Variants in PALM2AKAP2 observed in about 807,000 individuals in gnomAD.
PALM2AKAP2 encodes PALM2 and AKAP2 fusion.
PALM2AKAP2 carries 37 observed loss-of-function variants against 71.5 expected under a neutral mutation model. The observed-to-expected ratio is 0.52, with a 90% CI of 0.40 to 0.68. PALM2AKAP2 has a LOEUF of 0.68. Among genes scored for constraint, PALM2AKAP2 ranks in the 30% least tolerant of loss-of-function variants. The probability of loss-of-function intolerance (pLI) is 0.00; values close to 1 mark genes in which losing one functional copy is unlikely to be tolerated. For missense variants in PALM2AKAP2, 1,224 were observed against 1,191.8 expected, an observed-to-expected ratio of 1.03 and a Z score of -0.40; for synonymous variants, 468 against 478.8, an observed-to-expected ratio of 0.98 and a Z score of 0.29.
chr9:109,821,914 A>AT (rs1564164386), intron 1 of PALM2AKAP2, among the ~76,000 whole-genome samples: 3 of 152,212 alleles, frequency 2.0e-5, no homozygotes, highest in East Asian at 1.9e-4. Flanking sequence ...GACCAAAGGA[A>AT]TTTTTTGTAA....
intron 2 of PALM2AKAP2, among the ~76,000 whole-genome samples, chr9:110,147,304 A>G (rs904844289): frequency 6.6e-6 from 1 of 151,918 alleles, no homozygotes; most frequent in African/African-American, 2.4e-5. Flanking sequence ...ATGCTAAAAT[A>G]TGACAGTCAC....
intron 1 of PALM2AKAP2, among the ~76,000 whole-genome samples, chr9:110,120,963 T>A (rs1835473337): frequency 6.6e-6 from 1 of 152,174 alleles, no homozygotes. Flanking sequence ...ATAAATGAGA[T>A]CATAGTGCAT....
upstream of PALM2AKAP2, among the ~76,000 whole-genome samples, chr9:109,777,987 G>A (rs1829371535): frequency 6.6e-6 from 1 of 152,116 alleles, no homozygotes; most frequent in Non-Finnish European, 1.5e-5. Context: ...CTTCCAAAGG[G>A]TGCCCAGGCC....
chr9:109,717,543 G>C (rs1373602436), intron 1 of PALM2AKAP2, among the ~76,000 whole-genome samples: 1 of 152,180 alleles, frequency 6.6e-6, no homozygotes, highest in African/African-American at 2.4e-5. Context: ...AAACAGGAAA[G>C]TACAGGCCAA....
intron 3 of PALM2AKAP2, among the ~76,000 whole-genome samples, chr9:109,890,215 G>A (rs1830055796): frequency 6.6e-6 from 1 of 152,228 alleles, no homozygotes; most frequent in African/African-American, 2.4e-5. Context: ...CCAGCATGGA[G>A]GTCTTATTTG....
chr9:109,859,034 G>A (rs1246921902), intron 1 of PALM2AKAP2, among the ~76,000 whole-genome samples: 1 of 152,154 alleles, frequency 6.6e-6, no homozygotes, highest in South Asian at 2.1e-4. Context: ...ATTTGACTTG[G>A]CACTAATAGG....
intron 3 of PALM2AKAP2, among the ~76,000 whole-genome samples, chr9:109,909,760 A>G (rs1830527797): frequency 6.6e-6 from 1 of 152,228 alleles, no homozygotes; most frequent in African/African-American, 2.4e-5. Context: ...TTTAAAAATG[A>G]GTAGTAATTA....
chr9:110,028,739 G>A (rs1226593828), intron 7 of PALM2AKAP2, among the ~76,000 whole-genome samples: 1 of 151,996 alleles, frequency 6.6e-6, no homozygotes. Context: ...TGTCCAGTTC[G>A]ATTTGAATTA....
At chr9:109,649,194 A>G (rs905022469) in intron 1 of PALM2AKAP2, among the ~76,000 whole-genome samples, 2 of 151,750 alleles carry the variant, frequency 1.3e-5, no homozygotes, top group South Asian at 4.2e-4. Context: ...CTTTGTTCTG[A>G]AGAGTCATAT....
chr9:109,947,601 C>T (rs538174357), intron 6 of PALM2AKAP2, among the ~76,000 whole-genome samples: 5 of 152,168 alleles, frequency 3.3e-5, no homozygotes, highest in Admixed American at 2.0e-4. Context: ...CAATATAAAA[C>T]GCAGATGGAC....
At chr9:110,011,876 A>C (rs1832889446) in intron 6 of PALM2AKAP2, among the ~76,000 whole-genome samples, 1 of 152,158 alleles carries the variant, frequency 6.6e-6, no homozygotes. Flanking sequence ...CCAACAGACA[A>C]CTCTAGCACA....
At chr9:110,005,889 G>A (rs1160958996) in intron 6 of PALM2AKAP2, among the ~76,000 whole-genome samples, 2 of 152,162 alleles carry the variant, frequency 1.3e-5, no homozygotes, top group African/African-American at 4.8e-5. Context: ...GCAGTATTAG[G>A]GTGGGAGTGA....
chr9:109,942,986 A>T (rs888270313), intron 6 of PALM2AKAP2: 3 of 1,614,072 alleles, frequency 1.9e-6, no homozygotes, highest in Non-Finnish European at 2.5e-6. Flanking sequence ...CATCCCAAGG[A>T]ACACATGCTC....
chr9:109,863,668 A>G (rs10816902), intron 1 of PALM2AKAP2, among the ~76,000 whole-genome samples: 26,255 of 152,198 alleles, frequency 0.17, 2,433 homozygotes, highest in South Asian at 0.23. Flanking sequence ...TCAAACAAGT[A>G]TCAGAAACTG....
intron 1 of PALM2AKAP2, among the ~76,000 whole-genome samples, chr9:109,773,255 C>T (rs949242379): frequency 2.1e-4 from 32 of 152,128 alleles, no homozygotes; most frequent in Non-Finnish European, 2.9e-4. Flanking sequence ...CCTGCCTCAG[C>T]CTCCTGAGTA....
At chr9:109,927,724 A>G (rs1200401012) in intron 5 of PALM2AKAP2, among the ~76,000 whole-genome samples, 1 of 152,166 alleles carries the variant, frequency 6.6e-6, no homozygotes, top group Non-Finnish European at 1.5e-5. Context: ...TCCTGGTCAT[A>G]TACATTCTGA....
intron 1 of PALM2AKAP2, among the ~76,000 whole-genome samples, chr9:109,860,239 G>C (rs1184753787): frequency 6.6e-6 from 1 of 152,148 alleles, no homozygotes; most frequent in African/African-American, 2.4e-5. Flanking sequence ...TCAGTTTTTA[G>C]ACAGACTATT....
At chr9:109,887,923 C>T (rs1458505063) in intron 3 of PALM2AKAP2, among the ~76,000 whole-genome samples, 1 of 152,306 alleles carries the variant, frequency 6.6e-6, no homozygotes, top group East Asian at 1.9e-4. Flanking sequence ...GATTCTCCCT[C>T]CTCAACCTCC....
intron 3 of PALM2AKAP2, among the ~76,000 whole-genome samples, chr9:109,889,884 C>T (rs761614638): frequency 6.6e-6 from 1 of 152,186 alleles, no homozygotes; most frequent in African/African-American, 2.4e-5. Flanking sequence ...ACATGCATTT[C>T]CCAGCCCTCA....
Sources: gnomAD v4.1 joint callset for allele counts (sites outside exome capture counted in the v4.1 genomes callset) on GRCh38, gnomAD v4.1.1 for gene constraint, MANE v1.5 for transcripts, NCBI Gene and HGNC (gene_info 2026-07-23, HGNC 2026-07-21) for gene names.